Variants in LRP6 observed in about 807,000 individuals in gnomAD.
LRP6 encodes the protein LDL receptor related protein 6.
A neutral mutation model predicts 184.1 loss-of-function variants in LRP6; 43 were observed. The observed-to-expected ratio is 0.23, with a 90% confidence interval of 0.18 to 0.30. LRP6 has a LOEUF of 0.30. Among genes scored for constraint, LRP6 ranks in the 10% least tolerant of loss-of-function variants. LRP6 has a pLI of 1.00. For missense variants in LRP6, 1,571 were observed against 2,005.3 expected (o/e 0.78, Z 4.14); for synonymous variants, 719 against 684.9 (o/e 1.05, Z -0.78).
At chr12:12,194,175 A>T (rs1435677584) in intron 3 of LRP6, among the ~76,000 whole-genome samples, 1 of 152,110 alleles carries the variant, frequency 6.6e-6, no homozygotes, top group African/African-American at 2.4e-5. Context: ...TGAACTAGGA[A>T]TAGAAAGGAA....
intron 2 of LRP6, among the ~76,000 whole-genome samples, chr12:12,212,870 C>G (rs1296313848): frequency 6.6e-6 from 1 of 152,130 alleles, no homozygotes; most frequent in African/African-American, 2.4e-5. Flanking sequence ...CTTGAGAATT[C>G]TTGGTCTTGA....
chr12:12,132,109 C>G, intron 17 of LRP6, 52 bp from the exon 18 acceptor site: 1 of 1,161,814 alleles, frequency 8.6e-7, no homozygotes, highest in Non-Finnish European at 1.3e-6. Context: ...CATGGTCACA[C>G]AGAAGTACAA....
At position 12,121,011 on chromosome 12, in the gene LRP6, A is replaced by G; in HGVS notation, c.*115T>C. 1 of 798,270 alleles carries G rather than the reference A, an allele frequency of 1.3e-6. No individual in the cohort carries two copies. Among genetic ancestry groups the G allele is most frequent in the South Asian group, 2.6e-5 (1 of 38,846 alleles). 49.4% of individuals were successfully genotyped at this position (798,270 alleles called of 1,614,324 possible). On this transcript the variant is annotated 3_prime_UTR_variant, in exon 23 of 23. Transcript: ENST00000261349. ...TTCCCTACCCCATTTTATAATTTTA[A>G]CTGTACATGGTCTGCCTCATCCTTC... is the stretch of plus-strand genomic sequence containing the variant.
chr12:12,179,743 ATC>A, intron 7 of LRP6, 65 bp downstream of exon 7: 1 of 1,539,574 alleles, frequency 6.5e-7, no homozygotes, highest in Middle Eastern at 1.7e-4. Flanking sequence ...CTGTACTCAA[ATC>A]ATTATACTGT....
At chr12:12,216,617 G>T (rs1432244786) in intron 2 of LRP6, among the ~76,000 whole-genome samples, 1 of 150,206 alleles carries the variant, frequency 6.7e-6, no homozygotes, top group Non-Finnish European at 1.5e-5. Context: ...TTGTTATAGG[G>T]TTTTCTTGGA....
intron 17 of LRP6, among the ~76,000 whole-genome samples, chr12:12,133,636 CT>C: frequency 6.6e-6 from 1 of 152,168 alleles, no homozygotes; most frequent in South Asian, 2.1e-4. Context: ...TTGTATACAT[CT>C]GTCAAAACTC....
chr12:12,134,000 C>G lies in LRP6; in HGVS notation c.3733+1175G>C, dbSNP rs1949796076. On this transcript the variant is annotated intron_variant, in intron 17 of 22. Transcript: ENST00000261349. ...CCAGAGCTTAACTCTTTGTACATAT[C>G]TGATTTCCCTGACTACGCTGTATGC... 2.0e-5 allele frequency among the ~76,000 whole-genome samples: 3 copies of G among 152,090 alleles called. 1 individual carries two copies. The South Asian group carries it at 6.2e-4, about 32-fold the overall frequency.
chr12:12,174,187 C>G (rs10845492), intron 7 of LRP6, among the ~76,000 whole-genome samples: 64,781 of 151,714 alleles, frequency 0.43, 15,344 homozygotes, highest in East Asian at 0.74. Flanking sequence ...TCTCGGCTCA[C>G]TGCAACCTCC....
chr12:12,255,863 C>T (rs1403831679), intron 1 of LRP6, among the ~76,000 whole-genome samples: 1 of 152,090 alleles, frequency 6.6e-6, no homozygotes, highest in Non-Finnish European at 1.5e-5. Context: ...AGCCACTGCA[C>T]CTTGGCCTCA....
At chr12:12,139,387 T>C (rs776512328) in intron 15 of LRP6, among the ~76,000 whole-genome samples, 1 of 152,104 alleles carries the variant, frequency 6.6e-6, no homozygotes, top group Non-Finnish European at 1.5e-5. Context: ...AAGCACAAGT[T>C]TACTTATATA....
chr12:12,244,143 A>G (rs1346370483), intron 2 of LRP6, 119 bp downstream of exon 2: 1 of 992,682 alleles, frequency 1.0e-6, no homozygotes, highest in African/African-American at 1.6e-5. Context: ...AAGAAGCCCA[A>G]AGAATCTAAA....
intron 3 of LRP6, among the ~76,000 whole-genome samples, chr12:12,198,814 G>GTT (rs933810577): frequency 5.1e-4 from 77 of 151,930 alleles, no homozygotes; most frequent in African/African-American, 1.8e-3. Flanking sequence ...GATTATAGGC[G>GTT]TGAGTCATTT....
Position 12,133,480 on chromosome 12 carries a change from C to T in LRP6, c.3734-1423G>A, listed in dbSNP as rs184436240. On this transcript the variant is annotated intron_variant, in intron 17 of 22. Coordinates refer to ENST00000261349, the MANE Select transcript of LRP6 (RefSeq NM_002336.3). The stretch of plus-strand genomic sequence containing the variant: ...CCATGTGACCTGCCTGCTCACTCTT[C>T]ACCCCCGCCATCAAAGTTTCCTGAG... Among the ~76,000 whole-genome samples the T allele has an allele frequency of 3.3e-5, 5 of 152,208 alleles. No individual in the cohort carries two copies. The East Asian group carries it at 9.7e-4, about 29-fold the overall frequency.
chr12:12,121,229 G>A lies in LRP6; in HGVS notation c.4739C>T (p.Ala1580Val), dbSNP rs774408590. The change falls in exon 23 of 23, where the codon GCA (alanine) becomes GTA (valine). Residue 1580 changes from alanine (A) to valine (V), a missense_variant. Coordinates refer to ENST00000261349, the MANE Select transcript of LRP6 (RefSeq NM_002336.3). The stretch of plus-strand genomic sequence containing the variant: ...TGGGCAGCTTTCATAGTTCTCCTCT[G>A]CTGACAAGTATTGGCTTCGGGGTGT... ...PPTPRSQYLSAEENYESCPPS... is the reference protein window; with the variant it reads ...PPTPRSQYLSVEENYESCPPS... The A allele has an allele frequency of 1.2e-6, 2 of 1,614,160 alleles. No homozygotes were observed. Among genetic ancestry groups the A allele is most frequent in the South Asian group, 1.1e-5 (1 of 91,076 alleles).
chr12:12,260,173 T>C (rs1231295285), intron 1 of LRP6, among the ~76,000 whole-genome samples: 1 of 152,086 alleles, frequency 6.6e-6, no homozygotes, highest in African/African-American at 2.4e-5. Context: ...GGTCAGGAGA[T>C]GGAGACCAAC....
chr12:12,264,157 T>C (rs966739771), intron 1 of LRP6, among the ~76,000 whole-genome samples: 1 of 151,606 alleles, frequency 6.6e-6, no homozygotes, highest in Non-Finnish European at 1.5e-5. Flanking sequence ...AAAAAAAAAA[T>C]TGTGAACGTT....
intron 2 of LRP6, among the ~76,000 whole-genome samples, chr12:12,216,777 T>C (rs1396491622): frequency 6.6e-6 from 1 of 152,024 alleles, no homozygotes; most frequent in Non-Finnish European, 1.5e-5. Flanking sequence ...TTAAGGCCAT[T>C]TTCCAGAATA....
At chr12:12,174,616 C>T (rs1863125315) in intron 7 of LRP6, among the ~76,000 whole-genome samples, 1 of 151,952 alleles carries the variant, frequency 6.6e-6, no homozygotes, top group Non-Finnish European at 1.5e-5. Context: ...TTTAACAGTA[C>T]AAAGGCTAAG....
intron 2 of LRP6, among the ~76,000 whole-genome samples, chr12:12,216,388 A>ATACTTTTTATTC (rs1864344381): frequency 6.6e-6 from 1 of 152,208 alleles, no homozygotes; most frequent in Non-Finnish European, 1.5e-5. Context: ...ATAGCCAATT[A>ATACTTTTTATTC]TACTTTTTAT....
Sources: allele counts gnomAD v4.1 joint callset (sites outside exome capture counted in the v4.1 genomes callset), GRCh38; gene constraint gnomAD v4.1.1; transcripts MANE v1.5; gene names NCBI Gene and HGNC (gene_info 2026-07-23, HGNC 2026-07-21).